Variants in PKIG observed in about 807,000 individuals in gnomAD.
The protein encoded by PKIG is cAMP-dependent protein kinase inhibitor gamma.
Under a neutral mutation model 6.8 loss-of-function variants are expected in PKIG, and 1 was observed. The ratio of observed to expected loss-of-function variants is 0.15; its 90% CI spans 0.05 to 0.69. The LOEUF (loss-of-function observed/expected upper bound fraction) is 0.69. PKIG is among the 30% of genes least tolerant of loss of function. The pLI is 0.82. For missense variants in PKIG, 77 were observed against 104.0 expected (o/e 0.74, Z 1.13); for synonymous variants, 39 against 43.0 (o/e 0.91, Z 0.36).
chr20:44,600,984 GC>G (rs1292808933), intron 2 of PKIG, among the ~76,000 whole-genome samples: 1 of 152,110 alleles, frequency 6.6e-6, no homozygotes, highest in Non-Finnish European at 1.5e-5. Context: ...AAGGATAAGA[GC>G]CCCTCGGGAG....
intron 1 of PKIG, among the ~76,000 whole-genome samples, chr20:44,559,228 C>T (rs987522246): frequency 1.3e-5 from 2 of 152,292 alleles, no homozygotes; most frequent in Admixed American, 6.5e-5. Context: ...TTAACAATTT[C>T]CTGGATAATT....
chr20:44,618,177 C>G, intron 3 of PKIG, 108 bp from the exon 4 acceptor site: 2 of 773,036 alleles, frequency 2.6e-6, no homozygotes, highest in South Asian at 2.8e-5. Context: ...CGTCTTGCTC[C>G]CCAGGGCATA....
intron 1 of PKIG, among the ~76,000 whole-genome samples, chr20:44,569,098 C>G (rs1219263887): frequency 1.3e-5 from 2 of 152,166 alleles, no homozygotes; most frequent in South Asian, 2.1e-4. Context: ...CCATGTCCCC[C>G]CTACATTTTT....
At chr20:44,599,300 A>G (rs2065100336) in intron 2 of PKIG, among the ~76,000 whole-genome samples, 1 of 152,214 alleles carries the variant, frequency 6.6e-6, no homozygotes, top group Admixed American at 6.5e-5. Flanking sequence ...TCTGGCTCCA[A>G]GCTCCCTAAC....
chr20:44,573,298 T>C (rs573107567), intron 1 of PKIG, among the ~76,000 whole-genome samples: 1 of 152,404 alleles, frequency 6.6e-6, no homozygotes, highest in Non-Finnish European at 1.5e-5. Context: ...TTAAAATTCC[T>C]GCTTTAGCTG....
At chr20:44,593,504 C>T (rs1033785479) in intron 2 of PKIG, among the ~76,000 whole-genome samples, 1 of 151,790 alleles carries the variant, frequency 6.6e-6, no homozygotes, top group African/African-American at 2.4e-5. Flanking sequence ...ATAGGGCAGA[C>T]ACAGAAAGAC....
At chr20:44,533,552 G>C (rs1017116919) in intron 1 of PKIG, among the ~76,000 whole-genome samples, 1 of 152,150 alleles carries the variant, frequency 6.6e-6, no homozygotes, top group Non-Finnish European at 1.5e-5. Flanking sequence ...TGTATGGAGG[G>C]TGTAGTCTGA....
intron 3 of PKIG, among the ~76,000 whole-genome samples, chr20:44,617,895 A>G (rs988153105): frequency 6.7e-6 from 1 of 148,938 alleles, no homozygotes; most frequent in African/African-American, 2.5e-5. Flanking sequence ...AAATACAAAA[A>G]TTAAAAAAAA....
intron 3 of PKIG, among the ~76,000 whole-genome samples, chr20:44,615,033 C>G (rs893153231): frequency 1.2e-4 from 19 of 152,102 alleles, no homozygotes; most frequent in African/African-American, 4.6e-4. Context: ...CTTTAGCGGC[C>G]GGCTTCCCTG....
At chr20:44,536,525 G>A (rs944666007) in intron 1 of PKIG, among the ~76,000 whole-genome samples, 5 of 152,210 alleles carry the variant, frequency 3.3e-5, no homozygotes, top group African/African-American at 1.2e-4. Context: ...CAAGAGGTAA[G>A]GGAGAGAGGA....
At chr20:44,582,488 C>T (rs2064956782), upstream of PKIG, 1 of 152,372 alleles carries the variant, frequency 6.6e-6, no homozygotes, top group Non-Finnish European at 1.5e-5. Flanking sequence ...GTGTGGTTGA[C>T]ATCATCAGGC....
At chr20:44,591,315 A>G (rs1340697398) in intron 2 of PKIG, among the ~76,000 whole-genome samples, 1 of 152,176 alleles carries the variant, frequency 6.6e-6, no homozygotes, top group African/African-American at 2.4e-5. Flanking sequence ...GGAGGTGTCC[A>G]TGAATGAATC....
chr20:44,579,467 A>C (rs973116002), upstream of PKIG, among the ~76,000 whole-genome samples: 1 of 152,234 alleles, frequency 6.6e-6, no homozygotes, highest in Non-Finnish European at 1.5e-5. Flanking sequence ...GTTAGAGTGC[A>C]GGCTCTGCCC....
chr20:44,572,809 T>TG (rs951046758), intron 1 of PKIG, among the ~76,000 whole-genome samples: 1 of 152,176 alleles, frequency 6.6e-6, no homozygotes, highest in African/African-American at 2.4e-5. Context: ...GCTTCTCTTG[T>TG]GGGGAGAGCT....
Position 44,618,818 on chromosome 20 carries a change from C to A in PKIG, c.*454C>A, listed in dbSNP as rs2065296586. The A allele has an allele frequency of 6.3e-6, 1 of 158,960 alleles. No homozygotes were observed. The highest frequency in any genetic ancestry group is 2.4e-5 in the African/African-American group (1 of 41,494). The allele number at this position is 158,960 out of a possible 1,614,324, so 9.8% of individuals were successfully genotyped here. ...TTTAAACTTTTTAAAAATTTTAAAC[C>A]TTTTTTCAGCAGATATGGAGAGAGC... On this transcript the variant is annotated 3_prime_UTR_variant, in exon 4 of 4. Coordinates refer to ENST00000372886, the MANE Select transcript of PKIG (RefSeq NM_001281445.2).
chr20:44,550,935 C>T (rs1403749310), intron 1 of PKIG, among the ~76,000 whole-genome samples: 1 of 152,022 alleles, frequency 6.6e-6, no homozygotes. Flanking sequence ...AAAACCTAGC[C>T]CAAACAATTG....
At chr20:44,600,405 A>T (rs1321343339) in intron 2 of PKIG, among the ~76,000 whole-genome samples, 1 of 152,170 alleles carries the variant, frequency 6.6e-6, no homozygotes, top group Admixed American at 6.5e-5. Flanking sequence ...CCTGCCATAT[A>T]AAAAATAGAC....
chr20:44,573,761 A>G (rs2064873263), intron 1 of PKIG, among the ~76,000 whole-genome samples: 1 of 152,232 alleles, frequency 6.6e-6, no homozygotes, highest in Non-Finnish European at 1.5e-5. Context: ...ACATATGTAA[A>G]GCACTGACAA....
intron 2 of PKIG, among the ~76,000 whole-genome samples, chr20:44,591,546 C>A (rs1463653182): frequency 7.6e-6 from 1 of 131,112 alleles, no homozygotes; most frequent in Non-Finnish European, 1.5e-5. Context: ...TTCAAGAAGG[C>A]AAAGGACAGA....
Sources: allele counts gnomAD v4.1 joint callset (sites outside exome capture counted in the v4.1 genomes callset), GRCh38; gene constraint gnomAD v4.1.1; transcripts MANE v1.5; gene names NCBI Gene and HGNC (gene_info 2026-07-23, HGNC 2026-07-21).